Variants in BCR observed in about 807,000 individuals in gnomAD.
BCR encodes the protein BCR activator of RhoGEF and GTPase.
Under a neutral mutation model 138.6 loss-of-function variants are expected in BCR, and 58 were observed. The ratio of observed to expected loss-of-function variants is 0.42; its 90% CI spans 0.34 to 0.52. The LOEUF is 0.52. Ranked by LOEUF, BCR falls within the 20% of genes least tolerant of loss-of-function variation. The pLI is 0.06. For synonymous variants in BCR, 786 were observed against 730.1 expected (o/e 1.08, Z -1.23); for missense variants, 1,599 against 1,727.2 (o/e 0.93, Z 1.32).
Position 23,279,693 on chromosome 22 carries a change from CA to C in BCR, c.2116-4283del, listed in dbSNP as rs531211406. ...CTTCTTTGGCAACTTTTCCTTGTCT[CA>C]CCAGTCAAGGCCCTGCTGATTTGTT... is the stretch of plus-strand genomic sequence containing the variant. On this transcript the variant is annotated intron_variant, in intron 8 of 22. Transcript: ENST00000305877. 2.2e-3 allele frequency among the ~76,000 whole-genome samples: 339 copies of C among 152,376 alleles called. 3 individuals are homozygous for C. The highest frequency in any genetic ancestry group is 3.4e-3 in the Middle Eastern group (1 of 294).
Position 23,244,286 on chromosome 22 carries a change from A to T in BCR, c.1280-9513A>T, listed in dbSNP as rs139625813. ...GGACAATCTAGGGTGATCTCATCTC[A>T]AAGCCTTTAACTTCATTACATCTGC... On this transcript the variant is annotated intron_variant, in intron 1 of 22. Coordinates refer to ENST00000305877, the MANE Select transcript of BCR (RefSeq NM_004327.4). 6.9e-3 allele frequency among the ~76,000 whole-genome samples: 1,046 copies of T among 152,314 alleles called. 12 individuals carry two copies. Among genetic ancestry groups the T allele is most frequent in the African/African-American group, 0.023 (948 of 41,560 alleles).
At chr22:23,296,265 T>G (rs2073843852) in intron 16 of BCR, among the ~76,000 whole-genome samples, 1 of 151,024 alleles carries the variant, frequency 6.6e-6, no homozygotes, top group Admixed American at 6.7e-5. Flanking sequence ...TCCCAGCTAC[T>G]CGGGAGGCCG....
At chr22:23,183,504 T>TCCGACCTGCCGTCTGG (rs2072297245) in intron 1 of BCR, among the ~76,000 whole-genome samples, 1 of 152,222 alleles carries the variant, frequency 6.6e-6, no homozygotes, top group Non-Finnish European at 1.5e-5. Flanking sequence ...GGTGCACGGC[T>TCCGACCTGCCGTCTGG]CCGACCTGCC....
intron 1 of BCR, among the ~76,000 whole-genome samples, chr22:23,250,064 G>A (rs991267204): frequency 2.6e-5 from 4 of 152,314 alleles, no homozygotes; most frequent in East Asian, 1.9e-4. Context: ...AACCCTCACC[G>A]GGCACTTGAT....
chr22:23,272,028 G>A (rs376498917), intron 6 of BCR, among the ~76,000 whole-genome samples: 77 of 152,198 alleles, frequency 5.1e-4, no homozygotes, highest in African/African-American at 1.8e-3. Context: ...GTTTCCCTCC[G>A]TATTGGTCAG....
chr22:23,242,055 C>T (rs2073099431), intron 1 of BCR, among the ~76,000 whole-genome samples: 1 of 152,208 alleles, frequency 6.6e-6, no homozygotes, highest in African/African-American at 2.4e-5. Context: ...ACCAAACTGA[C>T]ACCAGGTACA....
chr22:23,283,983 C>A lies in BCR; in HGVS notation c.2122C>A (p.Gln708Lys). 2 of 1,595,310 alleles carry A rather than the reference C, an allele frequency of 1.3e-6. No homozygotes were observed. The highest frequency in any genetic ancestry group is 1.7e-5 in the Admixed American group (1 of 57,782). ...GCCTTCCCTGTGCCTGCAGCACCGG[C>A]AGCTGCTGAAGGACAGCTTCATGGT... ...SMTVKKGEHR[Q>K]LLKDSFMVEL... is the part of the protein sequence containing the mutation. Residue 708 changes from glutamine to lysine, a missense_variant, in exon 9 of 23, where the codon CAG becomes AAG. By Grantham distance (53) the Gln-to-Lys change is moderately conservative. Transcript: ENST00000305877.
chr22:23,271,073 G>T (rs531935966), intron 5 of BCR, among the ~76,000 whole-genome samples: 1 of 152,230 alleles, frequency 6.6e-6, no homozygotes, highest in Admixed American at 6.5e-5. Context: ...GTGTTTAGGA[G>T]CATGCTCCTG....
rs775162793 is a variant in BCR, at chr22:23,181,689, C to T, written c.729C>T (p.Asp243=). The T allele has an allele frequency of 8.1e-6, 13 of 1,604,996 alleles. No individual in the cohort carries two copies. Among genetic ancestry groups the T allele is most frequent in the African/African-American group, 6.7e-5 (5 of 74,936 alleles). The change falls in exon 1 of 23, where the codon GAC becomes GAT. Residue 243 remains aspartate (D), a synonymous_variant. Coordinates refer to ENST00000305877, the MANE Select transcript of BCR (RefSeq NM_004327.4). Reference sequence around the variant, plus strand: ...CCTCGGAGAGCAGCTGCGGCGTCGACGGCGACTACGAGGACGCCGAGTTGA... The same window carrying T: ...CCTCGGAGAGCAGCTGCGGCGTCGATGGCGACTACGAGGACGCCGAGTTGA... ...GRSSESSCGV[D]GDYEDAELNP... is the part of the protein sequence containing the mutation.
intron 21 of BCR, 73 bp from the exon 22 acceptor site, chr22:23,314,479 G>A: frequency 6.4e-7 from 1 of 1,557,866 alleles, no homozygotes. Context: ...GAGAACTCCA[G>A]CACAGCCCAG....
intron 8 of BCR, among the ~76,000 whole-genome samples, chr22:23,277,567 T>A (rs1441683009): frequency 6.6e-6 from 1 of 152,170 alleles, no homozygotes; most frequent in Non-Finnish European, 1.5e-5. Flanking sequence ...GTTTCTGTCT[T>A]CCCTGGCATT....
chr22:23,253,875 G>A lies in BCR; in HGVS notation c.1356G>A (p.Gly452=). The A allele has an allele frequency of 2.5e-6, 4 of 1,613,176 alleles. No homozygotes were observed. Among genetic ancestry groups the A allele is most frequent in the Non-Finnish European group, 3.4e-6 (4 of 1,179,974 alleles). Residue 452 remains glycine, a synonymous_variant, in exon 2 of 23, where the codon GGG becomes GGA. Transcript: ENST00000305877. The part of the protein sequence containing the change: ...RAEEQRRHQD[G]LPYIDDSPSS... ...AGGAGCAGCGCCGGCACCAAGATGG[G>A]CTGCCCTACATTGATGACTCGCCCT...
intron 16 of BCR, among the ~76,000 whole-genome samples, chr22:23,296,235 G>A (rs1440986390): frequency 7.2e-5 from 11 of 152,032 alleles, no homozygotes; most frequent in East Asian, 5.8e-4. Context: ...TTAGCCAGGC[G>A]TGGTGGCGGG....
intron 1 of BCR, among the ~76,000 whole-genome samples, chr22:23,214,297 A>G (rs1453253173): frequency 6.6e-6 from 1 of 151,762 alleles, no homozygotes; most frequent in Non-Finnish European, 1.5e-5. Flanking sequence ...ATTTCTCAGC[A>G]ATAATTGTTT....
intron 8 of BCR, chr22:23,283,686 C>T (rs1333706948): frequency 8.6e-6 from 3 of 347,432 alleles, no homozygotes; most frequent in Non-Finnish European, 1.6e-5. Flanking sequence ...ACACCCATTA[C>T]CTCCCCCTCT....
rs561354791 is a variant in BCR, at chr22:23,181,719, C to G, written c.759C>G (p.Pro253=). 3 of 1,603,970 alleles carry G rather than the reference C, an allele frequency of 1.9e-6. No homozygotes were observed. In the South Asian group the frequency reaches 3.3e-5, roughly 18 times the overall value. The change falls in exon 1 of 23, where the codon CCC becomes CCG. Residue 253 remains proline, a synonymous_variant. Transcript: ENST00000305877. Reference sequence around the variant, plus strand: ...ACTACGAGGACGCCGAGTTGAACCCCCGCTTCCTGAAGGACAACCTGATCG... The same window carrying G: ...ACTACGAGGACGCCGAGTTGAACCCGCGCTTCCTGAAGGACAACCTGATCG... ...DGDYEDAELN[P]RFLKDNLIDA... is the part of the protein sequence containing the mutation.
At chr22:23,256,719 C>A (rs959637756) in intron 2 of BCR, among the ~76,000 whole-genome samples, 1 of 152,130 alleles carries the variant, frequency 6.6e-6, no homozygotes, top group Non-Finnish European at 1.5e-5. Flanking sequence ...CTAGAAGGGG[C>A]CTCTTTGCAC....
In BCR at chr22:23,295,094, C is replaced by T. The variant is rs150438075; in HGVS notation, c.2951C>T (p.Thr984Met). 6.4e-5 allele frequency: 104 copies of T among 1,614,144 alleles called. No individual in the cohort carries two copies. Among genetic ancestry groups the T allele is most frequent in the Middle Eastern group, 3.3e-4 (2 of 6,062 alleles). The change falls in exon 16 of 23, where the codon ACG becomes ATG. Residue 984 changes from threonine to methionine, a missense_variant. Physicochemically the swap from Thr to Met is moderately conservative, Grantham distance 81. Transcript: ENST00000305877. ...ILCYEKCYNKTKIPKEDGEST... is the reference protein window; with the variant it reads ...ILCYEKCYNKMKIPKEDGEST... ...TGCTATGAAAAGTGTTACAACAAGA[C>T]GAAGATCCCCAAGGAGGACGGCGAG...
At chr22:23,259,174 T>A (rs1199099475) in intron 2 of BCR, among the ~76,000 whole-genome samples, 1 of 152,248 alleles carries the variant, frequency 6.6e-6, no homozygotes, top group Non-Finnish European at 1.5e-5. Flanking sequence ...CTGGGACTGT[T>A]GTAACAAAGC....
Sources: allele counts gnomAD v4.1 joint callset (sites outside exome capture counted in the v4.1 genomes callset), GRCh38; gene constraint gnomAD v4.1.1; transcripts MANE v1.5; gene names NCBI Gene and HGNC (gene_info 2026-07-23, HGNC 2026-07-21).